The following GRM1 variants were observed in gnomAD, a reference collection of about 807,000 sequenced individuals.
GRM1 encodes metabotropic glutamate receptor 1.
GRM1 carries 33 observed loss-of-function variants against 90.9 expected under a neutral mutation model. The observed-to-expected ratio is 0.36, with a 90% CI of 0.28 to 0.49. The LOEUF is 0.49. GRM1 is among the 20% of genes least tolerant of loss of function. The pLI, the probability that GRM1 is intolerant of heterozygous loss-of-function variation, is 0.99. For missense variants in GRM1, 1,190 were observed against 1,534.3 expected (o/e 0.78, Z 3.75); for synonymous variants, 700 against 613.2 (o/e 1.14, Z -2.09).
At chr6:146,092,135 G>T (rs974294327) in intron 1 of GRM1, among the ~76,000 whole-genome samples, 1 of 152,102 alleles carries the variant, frequency 6.6e-6, no homozygotes, top group Non-Finnish European at 1.5e-5. Flanking sequence ...TAGTTTTAGA[G>T]GCTAGGAATT....
At chr6:146,093,103 C>A (rs1461985514) in intron 1 of GRM1, among the ~76,000 whole-genome samples, 3 of 152,074 alleles carry the variant, frequency 2.0e-5, no homozygotes, top group Admixed American at 6.6e-5. Context: ...TTGGAATCTT[C>A]CTGAGACTAG....
chr6:146,365,490 T>G (rs1025947812), intron 5 of GRM1: 2 of 152,224 alleles, frequency 1.3e-5, no homozygotes, highest in Admixed American at 1.3e-4. Flanking sequence ...AATCATGGGC[T>G]ATTGGGCAGA....
intron 3 of GRM1, among the ~76,000 whole-genome samples, chr6:146,309,895 G>T (rs1457898228): frequency 1.3e-5 from 2 of 152,048 alleles, no homozygotes; most frequent in African/African-American, 4.8e-5. Context: ...ATTTGCTCCG[G>T]CTAGCAGTAT....
At chr6:146,365,714 CT>C (rs1775658968) in intron 5 of GRM1, among the ~76,000 whole-genome samples, 1 of 152,178 alleles carries the variant, frequency 6.6e-6, no homozygotes, top group Non-Finnish European at 1.5e-5. Flanking sequence ...TAGCTACGCC[CT>C]TTCCCTCCCT....
At chr6:146,404,262 A>G (rs1393863256) in intron 7 of GRM1, among the ~76,000 whole-genome samples, 1 of 152,138 alleles carries the variant, frequency 6.6e-6, no homozygotes, top group Non-Finnish European at 1.5e-5. Flanking sequence ...TATGTAATCA[A>G]TCATTGTTTC....
intron 2 of GRM1, among the ~76,000 whole-genome samples, chr6:146,285,754 A>G (rs1782743867): frequency 6.6e-6 from 1 of 152,190 alleles, no homozygotes; most frequent in Non-Finnish European, 1.5e-5. Flanking sequence ...CCTAGCACAT[A>G]GGTATATAGT....
At chr6:146,292,690 C>A (rs1783030611) in intron 2 of GRM1, among the ~76,000 whole-genome samples, 1 of 151,712 alleles carries the variant, frequency 6.6e-6, no homozygotes, top group South Asian at 2.1e-4. Context: ...AGTGCAGCTG[C>A]CAAGGAAAAC....
chr6:146,246,228 G>C (rs941829141), intron 2 of GRM1, among the ~76,000 whole-genome samples: 5 of 152,178 alleles, frequency 3.3e-5, no homozygotes, highest in Non-Finnish European at 7.3e-5. Context: ...CTTAGCAACA[G>C]ATGAGTCTGT....
At chr6:146,096,324 G>T (rs1406545161) in intron 1 of GRM1, among the ~76,000 whole-genome samples, 3 of 152,092 alleles carry the variant, frequency 2.0e-5, no homozygotes, top group Admixed American at 2.0e-4. Flanking sequence ...GAAGAGACCT[G>T]GAGATTAGCT....
chr6:146,305,658 C>T (rs1783552830), intron 3 of GRM1, among the ~76,000 whole-genome samples: 1 of 152,122 alleles, frequency 6.6e-6, no homozygotes, highest in South Asian at 2.1e-4. Context: ...ATGGAGCACT[C>T]ATGATAATGG....
chr6:146,326,660 A>G (rs1316819667), intron 3 of GRM1, among the ~76,000 whole-genome samples: 1 of 152,236 alleles, frequency 6.6e-6, no homozygotes, highest in Non-Finnish European at 1.5e-5. Flanking sequence ...AAATCAAAAT[A>G]TAAATATACT....
chr6:146,289,232 T>C (rs1782888495), intron 2 of GRM1, among the ~76,000 whole-genome samples: 1 of 152,142 alleles, frequency 6.6e-6, no homozygotes, highest in Admixed American at 6.6e-5. Flanking sequence ...CTGAAGACCT[T>C]CCAGAGGGAC....
chr6:146,104,804 G>T (rs1777172191), intron 1 of GRM1, among the ~76,000 whole-genome samples: 1 of 152,170 alleles, frequency 6.6e-6, no homozygotes, highest in Non-Finnish European at 1.5e-5. Flanking sequence ...TGAGAAAAAA[G>T]GATAAATTTT....
chr6:146,391,971 T>C (rs1450563151), intron 6 of GRM1, among the ~76,000 whole-genome samples: 1 of 152,140 alleles, frequency 6.6e-6, no homozygotes, highest in Non-Finnish European at 1.5e-5. Context: ...TCTTCATCTG[T>C]ATTTGATGCA....
chr6:146,276,000 G>C (rs893157050), intron 2 of GRM1, among the ~76,000 whole-genome samples: 1 of 152,068 alleles, frequency 6.6e-6, no homozygotes. Context: ...AAGGCAGAGA[G>C]AGAGAGAGAG....
chr6:146,245,894 A>G (rs1456811883), intron 2 of GRM1, among the ~76,000 whole-genome samples: 1 of 152,228 alleles, frequency 6.6e-6, no homozygotes, highest in Non-Finnish European at 1.5e-5. Context: ...CAATACAATA[A>G]GATAGAATGG....
chr6:146,053,075 C>G lies in GRM1; in HGVS notation c.700+22858C>G, dbSNP rs189910643. Among the ~76,000 whole-genome samples the G allele has an allele frequency of 7.2e-3, 1,093 of 152,144 alleles. 6 individuals carry two copies. Among genetic ancestry groups the G allele is most frequent in the Non-Finnish European group, 9.8e-3 (666 of 67,982 alleles). On this transcript the variant is annotated intron_variant, in intron 1 of 7. Transcript: ENST00000282753. The stretch of plus-strand genomic sequence containing the variant: ...GATTCTGTAACATAGTTCTCAGCAC[C>G]ATTCTCAGTTATCCATCATTAGCCT...
intron 1 of GRM1, among the ~76,000 whole-genome samples, chr6:146,099,889 A>G (rs2128870101): frequency 6.6e-6 from 1 of 152,308 alleles, no homozygotes; most frequent in African/African-American, 2.4e-5. Context: ...TATACTTAGC[A>G]GTGGAATTGC....
At chr6:146,338,009 A>C (rs1562620068) in intron 3 of GRM1, among the ~76,000 whole-genome samples, 1 of 152,154 alleles carries the variant, frequency 6.6e-6, no homozygotes, top group African/African-American at 2.4e-5. Context: ...CCTGGGGGGA[A>C]ATTTTCCAAT....
Sources: gnomAD v4.1 joint callset for allele counts (sites outside exome capture counted in the v4.1 genomes callset) on GRCh38, gnomAD v4.1.1 for gene constraint, MANE v1.5 for transcripts, NCBI Gene and HGNC (gene_info 2026-07-23, HGNC 2026-07-21) for gene names.